The following BCL11A variants were observed in gnomAD, a reference collection of about 807,000 sequenced individuals.
BCL11A encodes B cell CLL/lymphoma 11A.
BCL11A carries 2 observed loss-of-function variants against 55.9 expected under a neutral mutation model. That is an observed-to-expected ratio of 0.04 (90% CI 0.01 to 0.11). The LOEUF (loss-of-function observed/expected upper bound fraction) is 0.11, where lower values mean the gene tolerates loss of function less well. Ranked by LOEUF, BCL11A falls within the 10% of genes least tolerant of loss-of-function variation. The pLI is 1.00. For synonymous variants in BCL11A, 465 were observed against 473.4 expected (o/e 0.98, Z 0.23); for missense variants, 817 against 1,137.1 (o/e 0.72, Z 4.05).
At chr2:60,547,657 G>A (rs1328170508) in intron 1 of BCL11A, among the ~76,000 whole-genome samples, 2 of 152,086 alleles carry the variant, frequency 1.3e-5, no homozygotes, top group Non-Finnish European at 2.9e-5. Flanking sequence ...TGAACTTAAA[G>A]CCACAGAGAA....
chr2:60,551,116 T>C (rs1451289193), intron 1 of BCL11A, among the ~76,000 whole-genome samples: 2 of 152,176 alleles, frequency 1.3e-5, no homozygotes, highest in Non-Finnish European at 2.9e-5. Flanking sequence ...GAACCAAGTA[T>C]AGGTGGTCCT....
rs1188808640 is a variant in BCL11A, at chr2:60,461,563, G to A, written c.1349C>T (p.Pro450Leu). The A allele has an allele frequency of 6.2e-7, 1 of 1,611,894 alleles. No individual in the cohort carries two copies. Among genetic ancestry groups the A allele is most frequent in the Admixed American group, 1.7e-5 (1 of 60,032 alleles). Residue 450 changes from proline to leucine, a missense_variant, in exon 4 of 4, where the codon CCC becomes CTC. Coordinates refer to ENST00000642384, the MANE Select transcript of BCL11A (RefSeq NM_022893.4). ...GCTGCCCACCAAGTCGCTGGTGCCGGGTTCCGGGGAGCTGGCGGTGGAGAG... is the reference window on the plus strand; with the variant it reads ...GCTGCCCACCAAGTCGCTGGTGCCGAGTTCCGGGGAGCTGGCGGTGGAGAG... Reference protein sequence around the residue: ...DGLSTASSPEPGTSDLVGSAS... With the variant: ...DGLSTASSPELGTSDLVGSAS...
chr2:60,493,042 G>A (rs973271104), intron 2 of BCL11A, among the ~76,000 whole-genome samples: 4 of 152,074 alleles, frequency 2.6e-5, no homozygotes, highest in African/African-American at 9.7e-5. Context: ...TACCACCACA[G>A]TGTTGAGAAT....
At chr2:60,477,200 G>C (rs182221255) in intron 2 of BCL11A, among the ~76,000 whole-genome samples, 8 of 152,348 alleles carry the variant, frequency 5.3e-5, no homozygotes, top group South Asian at 4.1e-4. Context: ...CATTCAGGAA[G>C]AGGCATGGGG....
At chr2:60,527,497 G>A (rs961034102) in intron 2 of BCL11A, 1 of 152,304 alleles carries the variant, frequency 6.6e-6, no homozygotes, top group Non-Finnish European at 1.5e-5. Context: ...CCGGGACAGA[G>A]TGCGAAGTAA....
At chr2:60,453,468 TC>T (rs1675809692), downstream of BCL11A, among the ~76,000 whole-genome samples, 2 of 152,118 alleles carry the variant, frequency 1.3e-5, no homozygotes, top group South Asian at 2.1e-4. Flanking sequence ...GGGCCTCCTC[TC>T]CCCTGACTTG....
chr2:60,532,761 T>C (rs1669515854), intron 2 of BCL11A: 1 of 152,174 alleles, frequency 6.6e-6, no homozygotes, highest in Admixed American at 6.5e-5. Context: ...ACAATTTTTT[T>C]AAAGGTAGAT....
chr2:60,461,885 G>A lies in BCL11A; in HGVS notation c.1027C>T (p.Leu343=), dbSNP rs2103853811. ...TTGCTACCTGGCTGGAATGGTTGCA[G>A]TAACCTTTGCATAGGGCTGGGCCGG... The part of the protein sequence containing the change: ...PGRPSPMQRL[L]QPFQPGSKPP... The change falls in exon 4 of 4, where the codon CTG becomes TTG. Residue 343 remains leucine (L), a synonymous_variant. Coordinates refer to ENST00000642384, the MANE Select transcript of BCL11A (RefSeq NM_022893.4). 6.2e-7 allele frequency: 1 copy of A among 1,614,134 alleles called. No individual in the cohort carries two copies. The highest frequency in any genetic ancestry group is 1.3e-5 in the African/African-American group (1 of 75,068).
At chr2:60,469,423 C>T (rs1677076913) in intron 2 of BCL11A, among the ~76,000 whole-genome samples, 1 of 152,176 alleles carries the variant, frequency 6.6e-6, no homozygotes, top group Non-Finnish European at 1.5e-5. Context: ...CTGGACTGAG[C>T]TGGGCCATAC....
intron 2 of BCL11A, among the ~76,000 whole-genome samples, chr2:60,510,154 T>C (rs1679901009): frequency 6.6e-6 from 1 of 152,176 alleles, no homozygotes; most frequent in Admixed American, 6.5e-5. Flanking sequence ...AGTCTCAAAA[T>C]GCGGCCCAAG....
At chr2:60,462,600 AT>A (rs1676380101) in intron 3 of BCL11A, among the ~76,000 whole-genome samples, 176 bp from the exon 4 acceptor site, 1 of 151,800 alleles carries the variant, frequency 6.6e-6, no homozygotes, top group Non-Finnish European at 1.5e-5. Context: ...CCCAGTAAAT[AT>A]TGGTCCAATT....
chr2:60,469,131 G>T (rs980697177), intron 2 of BCL11A, among the ~76,000 whole-genome samples: 1 of 152,172 alleles, frequency 6.6e-6, no homozygotes, highest in Non-Finnish European at 1.5e-5. Flanking sequence ...TTATTGTCTT[G>T]TGGAAAGAAG....
In BCL11A at chr2:60,457,679, T is replaced by G; in HGVS notation, c.*2725A>C. 9.7e-7 allele frequency: 1 copy of G among 1,035,096 alleles called. No homozygotes were observed. Among genetic ancestry groups the G allele is most frequent in the African/African-American group, 1.7e-5 (1 of 59,410 alleles). 64.1% of individuals were successfully genotyped at this position (1,035,096 alleles called of 1,614,324 possible). A position where few individuals can be genotyped will look rare whatever the true frequency, so the allele number is the denominator to read the frequency against. ...AAACTGCAAAACATTGGTTTTTTTT[T>G]TTTTTTCCTTTTTTTTTCTTTCTTT... On this transcript the variant is annotated 3_prime_UTR_variant, in exon 4 of 4. Coordinates refer to ENST00000642384, the MANE Select transcript of BCL11A (RefSeq NM_022893.4).
chr2:60,452,431 AAGGACTCTGC>A (rs1293740827), downstream of BCL11A: 2 of 680,528 alleles, frequency 2.9e-6, no homozygotes, highest in East Asian at 5.1e-5. Context: ...CCTAGGCTGG[AAGGACTCTGC>A]AGGACTCTGT....
chr2:60,496,575 A>G (rs1234224646), intron 2 of BCL11A: 1 of 152,272 alleles, frequency 6.6e-6, no homozygotes, highest in African/African-American at 2.4e-5. Flanking sequence ...CAAGGATTTG[A>G]GACAGTTACC....
At chr2:60,540,946 T>TTTTGTG (rs1314763180) in intron 2 of BCL11A, among the ~76,000 whole-genome samples, 27 of 140,318 alleles carry the variant, frequency 1.9e-4, no homozygotes, top group Admixed American at 1.0e-3. Flanking sequence ...AGCACTGGTT[T>TTTTGTG]TGTGTGTGTG....
At chr2:60,506,249 G>C (rs1679585888) in intron 2 of BCL11A, among the ~76,000 whole-genome samples, 1 of 152,254 alleles carries the variant, frequency 6.6e-6, no homozygotes, top group African/African-American at 2.4e-5. Context: ...GCAGCAGCTA[G>C]GGCTCTGGCC....
chr2:60,549,035 C>A (rs1339176923), intron 1 of BCL11A, among the ~76,000 whole-genome samples: 1 of 152,184 alleles, frequency 6.6e-6, no homozygotes, highest in Non-Finnish European at 1.5e-5. Context: ...CATTTCTAAG[C>A]TCCGGCCTAA....
intron 2 of BCL11A, 155 bp downstream of exon 2, chr2:60,545,816 C>T: frequency 1.5e-6 from 1 of 675,660 alleles, no homozygotes; most frequent in Non-Finnish European, 2.6e-6. Flanking sequence ...TGGACGTAAG[C>T]AACAGAAATG....
Sources: gnomAD v4.1 joint callset for allele counts (sites outside exome capture counted in the v4.1 genomes callset) on GRCh38, gnomAD v4.1.1 for gene constraint, MANE v1.5 for transcripts, NCBI Gene and HGNC (gene_info 2026-07-23, HGNC 2026-07-21) for gene names.